Variants in RORA observed in about 807,000 individuals in gnomAD.
The protein encoded by RORA is RAR related orphan receptor A, also known as nuclear receptor ROR-alpha.
RORA carries 7 observed loss-of-function variants against 69.5 expected under a neutral mutation model. The observed-to-expected ratio is 0.10, with a 90% confidence interval of 0.06 to 0.19. The LOEUF is 0.19. Ranked by LOEUF, RORA falls within the 10% of genes least tolerant of loss-of-function variation. The pLI, the probability that RORA is intolerant of heterozygous loss-of-function variation, is 1.00. For missense variants in RORA, 457 were observed against 663.0 expected, an observed-to-expected ratio of 0.69 and a Z score of 3.41; for synonymous variants, 261 against 240.8, an observed-to-expected ratio of 1.08 and a Z score of -0.78.
At chr15:61,125,910 G>C (rs1396350806) in intron 1 of RORA, among the ~76,000 whole-genome samples, 1 of 152,224 alleles carries the variant, frequency 6.6e-6, no homozygotes, top group Non-Finnish European at 1.5e-5. Flanking sequence ...ATTGCCACAG[G>C]AATGGTGGCA....
At chr15:61,097,280 T>C (rs1447241755) in intron 1 of RORA, among the ~76,000 whole-genome samples, 3 of 152,236 alleles carry the variant, frequency 2.0e-5, no homozygotes, top group Non-Finnish European at 4.4e-5. Context: ...TTGGGCTGGT[T>C]AAATATCTAA....
chr15:60,790,917 G>A (rs898541367), intron 1 of RORA, among the ~76,000 whole-genome samples: 2 of 152,086 alleles, frequency 1.3e-5, no homozygotes, highest in Non-Finnish European at 2.9e-5. Flanking sequence ...TCATGGTAAC[G>A]TTTTTCTCTT....
At chr15:61,105,268 T>G (rs1331977265) in intron 1 of RORA, among the ~76,000 whole-genome samples, 1 of 152,186 alleles carries the variant, frequency 6.6e-6, no homozygotes, top group Non-Finnish European at 1.5e-5. Context: ...ATTATTTATC[T>G]AAGGTCTGTT....
In RORA at chr15:61,158,466, T is replaced by C. The variant is rs16943702; in HGVS notation, c.166+70587A>G. Among the ~76,000 whole-genome samples, 1,363 of 152,310 alleles carry C rather than the reference T, an allele frequency of 8.9e-3. 30 individuals carry two copies. The highest frequency in any genetic ancestry group is 0.031 in the African/African-American group (1,292 of 41,572). On this transcript the variant is annotated intron_variant, in intron 1 of 10. Transcript: ENST00000335670. ...CTGGCTAATGTTGGTCAAAGGCATA[T>C]GATGTTTAACCTATTTTATGTCTAA...
intron 1 of RORA, among the ~76,000 whole-genome samples, chr15:60,823,584 T>G (rs1021600595): frequency 2.6e-5 from 4 of 152,216 alleles, no homozygotes; most frequent in African/African-American, 9.7e-5. Flanking sequence ...TAGGTGCATA[T>G]AGGCAAGACA....
chr15:60,781,772 G>T (rs1312533889), intron 1 of RORA, among the ~76,000 whole-genome samples: 2 of 152,220 alleles, frequency 1.3e-5, no homozygotes, highest in Non-Finnish European at 2.9e-5. Context: ...ATCCTCCAGA[G>T]TTTGAGAGTC....
At chr15:60,986,526 C>A (rs1037594836) in intron 1 of RORA, among the ~76,000 whole-genome samples, 3 of 152,180 alleles carry the variant, frequency 2.0e-5, no homozygotes, top group African/African-American at 7.2e-5. Context: ...ACAGAGGTGA[C>A]CGGCTAGGTG....
At chr15:60,928,167 T>C (rs1595822453) in intron 1 of RORA, among the ~76,000 whole-genome samples, 2 of 152,200 alleles carry the variant, frequency 1.3e-5, no homozygotes, top group Non-Finnish European at 2.9e-5. Context: ...ATGTTCCTCA[T>C]AGACTCCAGG....
At chr15:61,149,746 T>C (rs1418245627) in intron 1 of RORA, among the ~76,000 whole-genome samples, 7 of 152,204 alleles carry the variant, frequency 4.6e-5, no homozygotes, top group Non-Finnish European at 1.5e-5. Context: ...TAAAACATCC[T>C]GATACCCCAG....
At chr15:61,013,941 G>A (rs886895536) in intron 1 of RORA, among the ~76,000 whole-genome samples, 6 of 151,912 alleles carry the variant, frequency 3.9e-5, no homozygotes, top group Middle Eastern at 3.4e-3. Flanking sequence ...CCGCCACCAC[G>A]CCAGGCTAAT....
chr15:61,100,140 G>C (rs1322908737), intron 1 of RORA, among the ~76,000 whole-genome samples: 1 of 128,076 alleles, frequency 7.8e-6, no homozygotes, highest in Non-Finnish European at 1.6e-5. Context: ...TTTCTTTTGA[G>C]ATGGAGTCTC....
At chr15:60,942,620 T>C (rs912463160) in intron 1 of RORA, among the ~76,000 whole-genome samples, 1 of 152,244 alleles carries the variant, frequency 6.6e-6, no homozygotes, top group Non-Finnish European at 1.5e-5. Flanking sequence ...ATTTTCCTGT[T>C]ACTGATGATA....
At chr15:60,733,300 A>C (rs2071454082) in intron 1 of RORA, among the ~76,000 whole-genome samples, 1 of 152,234 alleles carries the variant, frequency 6.6e-6, no homozygotes, top group Admixed American at 6.5e-5. Flanking sequence ...AATGAGGCAC[A>C]ATATTGAGAT....
chr15:60,752,942 T>C (rs893934192), intron 1 of RORA, among the ~76,000 whole-genome samples: 2 of 152,210 alleles, frequency 1.3e-5, no homozygotes, highest in African/African-American at 4.8e-5. Context: ...ATTTTGCTTA[T>C]GTTTCTTTGC....
Position 60,516,071 on chromosome 15 carries a change from A to T in RORA, c.283-1314T>A, listed in dbSNP as rs1418378542. On this transcript the variant is annotated intron_variant, in intron 3 of 10. Coordinates refer to ENST00000335670, the MANE Select transcript of RORA (RefSeq NM_134261.3). ...TTTATATATATTTATATATATTTATATATATTTATTTATATATATTTATAT... is the reference window on the plus strand; with the variant it reads ...TTTATATATATTTATATATATTTATTTATATTTATTTATATATATTTATAT... Among the ~76,000 whole-genome samples the T allele has an allele frequency of 1.5e-4, 8 of 52,728 alleles. No homozygotes were observed. The South Asian group carries it at 3.2e-3, about 21-fold the overall frequency. 34.6% of individuals were successfully genotyped at this position (52,728 alleles called of 152,430 possible). A position where few individuals can be genotyped will look rare whatever the true frequency, so the allele number is the denominator to read the frequency against.
intron 1 of RORA, among the ~76,000 whole-genome samples, chr15:60,799,787 G>A (rs987882383): frequency 2.3e-4 from 35 of 152,204 alleles, no homozygotes; most frequent in Non-Finnish European, 5.0e-4. Context: ...CAGAGAGGTA[G>A]ATAACGAGGG....
intron 1 of RORA, among the ~76,000 whole-genome samples, chr15:61,113,220 G>A (rs1403169617): frequency 1.3e-5 from 2 of 152,212 alleles, no homozygotes; most frequent in Non-Finnish European, 2.9e-5. Context: ...GCTCTTTCTA[G>A]TTAGTACAGA....
At chr15:61,033,409 A>AG (rs71780297) in intron 1 of RORA, among the ~76,000 whole-genome samples, 4 of 33,204 alleles carry the variant, frequency 1.2e-4, no homozygotes, top group African/African-American at 3.5e-4. Flanking sequence ...CTTTATTCTG[A>AG]AAAAAAAAAC....
At chr15:60,781,969 G>A (rs905457496) in intron 1 of RORA, among the ~76,000 whole-genome samples, 6 of 152,222 alleles carry the variant, frequency 3.9e-5, no homozygotes, top group Non-Finnish European at 5.9e-5. Flanking sequence ...GTTCACGCCT[G>A]TAATCCCAGC....
Sources: gnomAD v4.1 joint callset for allele counts (sites outside exome capture counted in the v4.1 genomes callset) on GRCh38, gnomAD v4.1.1 for gene constraint, MANE v1.5 for transcripts, NCBI Gene and HGNC (gene_info 2026-07-23, HGNC 2026-07-21) for gene names.